FGD6: variants seen among roughly 807,000 people sequenced by gnomAD.
FGD6 encodes FYVE, RhoGEF and PH domain containing 6, also known as FYVE, RhoGEF and PH domain-containing protein 6.
In FGD6, 90 loss-of-function variants were observed where a neutral mutation model predicts 149.4. The observed-to-expected ratio is 0.60, with a 90% CI of 0.51 to 0.72. FGD6 has a LOEUF of 0.72. FGD6 is among the 30% of genes least tolerant of loss of function. The pLI is 0.00. For synonymous variants in FGD6, 527 were observed against 584.0 expected, an observed-to-expected ratio of 0.90 and a Z score of 1.41; for missense variants, 1,437 against 1,684.8, an observed-to-expected ratio of 0.85 and a Z score of 2.57.
Position 95,077,109 on chromosome 12 carries a change from T to C in FGD6, c.*4411A>G, listed in dbSNP as rs1221352947. On this transcript the variant is annotated 3_prime_UTR_variant, in exon 21 of 21. Transcript: ENST00000343958. ...AAGGGAAAATATCATAGATAAGATT[T>C]TCCTTTAGAAAATGACATTAAAAGT... 6.6e-6 allele frequency: 1 copy of C among 152,202 alleles called. No homozygotes were observed. Among genetic ancestry groups the C allele is most frequent in the African/African-American group, 2.4e-5 (1 of 41,446 alleles). The allele number at this position is 152,202 out of a possible 1,614,324, so 9.4% of individuals were successfully genotyped here. A position where few individuals can be genotyped will look rare whatever the true frequency, so the allele number is the denominator to read the frequency against.
chr12:95,213,569 A>C (rs950662563), intron 1 of FGD6, among the ~76,000 whole-genome samples: 1 of 152,232 alleles, frequency 6.6e-6, no homozygotes, highest in Non-Finnish European at 1.5e-5. Flanking sequence ...AGAAAACTTC[A>C]TCTCTCATCA....
At chr12:95,137,489 G>A (rs1230184659) in intron 7 of FGD6, 33 bp downstream of exon 7, 1 of 1,444,884 alleles carries the variant, frequency 6.9e-7, no homozygotes, top group Non-Finnish European at 9.2e-7. Context: ...CAAAAAGAAA[G>A]AGAAGTGTTC....
Position 95,191,800 on chromosome 12 carries a change from C to T in FGD6, c.2441+17043G>A, listed in dbSNP as rs549809836. The stretch of plus-strand genomic sequence containing the variant: ...TTGCCCAGGCTGGAGTGCAATAGCA[C>T]GGTCTCAGCTCACTGCAACCCCACC... On this transcript the variant is annotated intron_variant, in intron 2 of 20. Transcript: ENST00000343958. 3.8e-4 allele frequency among the ~76,000 whole-genome samples: 58 copies of T among 152,086 alleles called. No individual in the cohort carries two copies. In the South Asian group the frequency reaches 0.012, roughly 32 times the overall value.
rs143209934 is a variant in FGD6 at position 95,108,510 on chromosome 12, T to C, written c.3185A>G (p.Lys1062Arg). Residue 1062 changes from lysine (K) to arginine (R), a missense_variant, in exon 10 of 21, where the codon AAG (lysine) becomes AGG (arginine). Physicochemically the swap from Lys to Arg is conservative, Grantham distance 26 (BLOSUM62 2). Transcript: ENST00000343958. ...TGACAACAAGACACTTACTCCTTGCTTCATGGTGTCATTGGCGTGGTTGGC... is the reference window on the plus strand; with the variant it reads ...TGACAACAAGACACTTACTCCTTGCCTCATGGTGTCATTGGCGTGGTTGGC... ...EVANHANDTM[K>R]QGDNFQKLMQ... The C allele has an allele frequency of 1.5e-3, 2,347 of 1,614,144 alleles. No individual in the cohort carries two copies. The highest frequency in any genetic ancestry group is 2.0e-3 in the Middle Eastern group (12 of 6,062).
intron 17 of FGD6, among the ~76,000 whole-genome samples, chr12:95,091,382 T>C (rs750371237): frequency 1.3e-4 from 20 of 152,236 alleles, no homozygotes; most frequent in Non-Finnish European, 2.6e-4. Flanking sequence ...TAAAATGATT[T>C]GTAATGAGCA....
At chr12:95,105,597 A>G (rs1878586437) in intron 13 of FGD6, among the ~76,000 whole-genome samples, 1 of 152,268 alleles carries the variant, frequency 6.6e-6, no homozygotes, top group Non-Finnish European at 1.5e-5. Context: ...GAAAGACAAT[A>G]AGAATCATGC....
At chr12:95,124,447 T>C (rs7954260) in intron 8 of FGD6, among the ~76,000 whole-genome samples, 37,976 of 152,074 alleles carry the variant, frequency 0.25, 5,517 homozygotes, top group African/African-American at 0.4. Context: ...GCACCACAGT[T>C]CAAATTTGAT....
intron 8 of FGD6, among the ~76,000 whole-genome samples, chr12:95,128,022 TG>T (rs1879398068): frequency 6.6e-6 from 1 of 152,126 alleles, no homozygotes; most frequent in Non-Finnish European, 1.5e-5. Context: ...CACAGGTAGA[TG>T]GAAAAAAACT....
At chr12:95,112,410 G>C (rs1378988558) in intron 9 of FGD6, among the ~76,000 whole-genome samples, 1 of 152,006 alleles carries the variant, frequency 6.6e-6, no homozygotes, top group Admixed American at 6.6e-5. Flanking sequence ...GACCAGCCTG[G>C]CCAATATGGT....
chr12:95,209,007 C>G lies in FGD6; in HGVS notation c.2277G>C (p.Glu759Asp). The G allele has an allele frequency of 6.2e-7, 1 of 1,614,136 alleles. No homozygotes were observed. The highest frequency in any genetic ancestry group is 1.3e-5 in the African/African-American group (1 of 75,026). Residue 759 changes from glutamate (E) to aspartate (D), a missense_variant, in exon 2 of 21, where the codon GAG becomes GAC. Around this residue, in one of 2 missense-constraint regions of FGD6, gnomAD observed 1,055 missense variants for 1,146.0 expected, o/e 0.92. Coordinates refer to ENST00000343958, the MANE Select transcript of FGD6 (RefSeq NM_018351.4). Reference sequence around the variant, plus strand: ...CCATAATAAATGGCAAGTTCTCGTACTCTGGTATTTCCTCATAATGGCGTA... The same window carrying G: ...CCATAATAAATGGCAAGTTCTCGTAGTCTGGTATTTCCTCATAATGGCGTA... ...ENIRHYEEIPEYENLPFIMAI... is the reference protein window; with the variant it reads ...ENIRHYEEIPDYENLPFIMAI...
At chr12:95,194,701 A>G (rs1043253222) in intron 2 of FGD6, among the ~76,000 whole-genome samples, 1 of 152,200 alleles carries the variant, frequency 6.6e-6, no homozygotes, top group African/African-American at 2.4e-5. Flanking sequence ...ATCTAATAAA[A>G]TTATATAGAA....
intron 8 of FGD6, among the ~76,000 whole-genome samples, chr12:95,129,307 GCATGCATC>G (rs1478628524): frequency 0.26 from 36,347 of 140,980 alleles, 4,783 homozygotes; most frequent in African/African-American, 0.34. Flanking sequence ...ATGCATGCAT[GCATGCATC>G]CATCCATCCA....
chr12:95,173,823 T>TCA (rs914789996), intron 2 of FGD6, among the ~76,000 whole-genome samples: 5 of 151,964 alleles, frequency 3.3e-5, no homozygotes, highest in African/African-American at 1.2e-4. Flanking sequence ...TTTCAGCAGG[T>TCA]CACAGGCAGG....
intron 3 of FGD6, among the ~76,000 whole-genome samples, chr12:95,163,607 A>C (rs1164990849): frequency 6.6e-6 from 1 of 152,216 alleles, no homozygotes; most frequent in Non-Finnish European, 1.5e-5. Flanking sequence ...ACCTTCTCAG[A>C]ATCTGAGACA....
chr12:95,156,723 G>A (rs1280218277), intron 3 of FGD6, among the ~76,000 whole-genome samples: 2 of 152,000 alleles, frequency 1.3e-5, no homozygotes, highest in East Asian at 1.9e-4. Flanking sequence ...GGCTCAGGGG[G>A]CATCACAGAA....
chr12:95,148,339 C>G (rs551724275), intron 5 of FGD6, among the ~76,000 whole-genome samples: 1 of 149,762 alleles, frequency 6.7e-6, no homozygotes, highest in Non-Finnish European at 1.5e-5. Flanking sequence ...CTAGGGTAGC[C>G]TTGCCTCTGG....
At chr12:95,132,730 A>T (rs371947888) in intron 8 of FGD6, among the ~76,000 whole-genome samples, 29 of 152,216 alleles carry the variant, frequency 1.9e-4, no homozygotes, top group Non-Finnish European at 3.5e-4. Context: ...CCAGCCTGGC[A>T]ACTGAGCAAG....
At chr12:95,198,684 C>T (rs1881789287) in intron 2 of FGD6, among the ~76,000 whole-genome samples, 1 of 152,208 alleles carries the variant, frequency 6.6e-6, no homozygotes, top group South Asian at 2.1e-4. Context: ...GATCCACCAG[C>T]CTTGGCCTCC....
At chr12:95,083,012 A>ATAT (rs60594478) in intron 20 of FGD6, among the ~76,000 whole-genome samples, 27 of 20,014 alleles carry the variant, frequency 1.3e-3, no homozygotes, top group South Asian at 2.6e-3. Flanking sequence ...AAAAAAAAAA[A>ATAT]ATATATATAT....
Sources: gnomAD v4.1 joint callset for allele counts (sites outside exome capture counted in the v4.1 genomes callset) on GRCh38, gnomAD v4.1.1 for gene constraint, gnomAD v4.1.1 regional missense constraint, MANE v1.5 for transcripts, NCBI Gene and HGNC (gene_info 2026-07-23, HGNC 2026-07-21) for gene names.